Variants in SIL1 observed in about 807,000 individuals in gnomAD.
SIL1 encodes SIL1 nucleotide exchange factor, also known as nucleotide exchange factor SIL1.
Under a neutral mutation model 49.1 loss-of-function variants are expected in SIL1, and 40 were observed. The observed-to-expected ratio is 0.81, with a 90% CI of 0.63 to 1.06. SIL1 has a LOEUF of 1.06. Among genes scored for constraint, SIL1 ranks in the 50% least tolerant of loss-of-function variants. SIL1 has a pLI of 0.00. For synonymous variants in SIL1, 253 were observed against 250.8 expected (o/e 1.01, Z -0.08); for missense variants, 500 against 572.6 (o/e 0.87, Z 1.29).
Position 138,951,195 on chromosome 5 carries a change from C to T in SIL1, c.1005G>A (p.Leu335=), listed in dbSNP as rs751082361. The change falls in exon 9 of 10, where the codon CTG becomes CTA. Residue 335 remains leucine, a synonymous_variant. Transcript: ENST00000394817. ...TEVLAVRVVT[L]LYDLVTEKMF... ...CCTTCTCCGTGACCAGGTCGTAGAG[C>T]AGTGTGACCACGCGCACGGCGAGCA... 21 of 1,611,336 alleles carry T rather than the reference C, an allele frequency of 1.3e-5. No individual in the cohort carries two copies. Among genetic ancestry groups the T allele is most frequent in the South Asian group, 3.3e-5 (3 of 90,320 alleles).
At chr5:139,175,675 C>T (rs900544250) in intron 1 of SIL1, among the ~76,000 whole-genome samples, 1 of 152,210 alleles carries the variant, frequency 6.6e-6, no homozygotes, top group East Asian at 1.9e-4. Flanking sequence ...AAGAAAACTA[C>T]AGACTGGCCA....
chr5:139,197,457 G>C (rs891344053), intron 1 of SIL1, among the ~76,000 whole-genome samples: 2 of 152,044 alleles, frequency 1.3e-5, no homozygotes, highest in African/African-American at 4.8e-5. Context: ...ACGAAGCCAG[G>C]CATTTAAGAA....
At chr5:139,192,093 A>AC (rs1447457343) in intron 1 of SIL1, among the ~76,000 whole-genome samples, 1 of 151,044 alleles carries the variant, frequency 6.6e-6, no homozygotes, top group Non-Finnish European at 1.5e-5. Context: ...AAAAAAAAAA[A>AC]AAAATCCACT....
At chr5:139,035,710 G>A (rs1050918883) in intron 5 of SIL1, 1 of 226,330 alleles carries the variant, frequency 4.4e-6, no homozygotes, top group South Asian at 5.8e-5. Flanking sequence ...GTGCAGCGGC[G>A]TGATCTTGGC....
chr5:139,026,917 C>A lies in SIL1; in HGVS notation c.529G>T (p.Val177Phe). 6.2e-7 allele frequency: 1 copy of A among 1,614,224 alleles called. No homozygotes were observed. The highest frequency in any genetic ancestry group is 1.1e-5 in the South Asian group (1 of 91,086). ...ATGATCTGCATGTCAGTCTCAATGA[C>A]AACATTCAGCTCATCAAAGTCTTTC... Reference protein sequence around the residue: ...LKKDFDELNVVIETDMQIMVR... With the variant: ...LKKDFDELNVFIETDMQIMVR... Residue 177 changes from valine to phenylalanine, a missense_variant, in exon 6 of 10, where the codon GTC (valine) becomes TTC (phenylalanine). Physicochemically the swap from Val to Phe is conservative, Grantham distance 50 (BLOSUM62 -1). Coordinates refer to ENST00000394817, the MANE Select transcript of SIL1 (RefSeq NM_022464.5).
chr5:139,067,026 A>G (rs1769720517), intron 3 of SIL1, among the ~76,000 whole-genome samples: 1 of 152,210 alleles, frequency 6.6e-6, no homozygotes, highest in African/African-American at 2.4e-5. Context: ...GAACATCTTT[A>G]TATTCCCTGC....
chr5:138,992,634 T>C (rs533537071), intron 7 of SIL1, among the ~76,000 whole-genome samples: 1 of 149,996 alleles, frequency 6.7e-6, no homozygotes, highest in African/African-American at 2.4e-5. Flanking sequence ...TTTTCAAACA[T>C]CAAAAAAATA....
intron 3 of SIL1, among the ~76,000 whole-genome samples, chr5:139,054,057 G>GA (rs1456081606): frequency 6.6e-6 from 1 of 152,148 alleles, no homozygotes; most frequent in South Asian, 2.1e-4. Flanking sequence ...GAGACGAGGG[G>GA]ATCACCTGAG....
rs1751071729 is a variant in SIL1, at chr5:139,141,052, G to T, written c.-10-13199C>A. Among the ~76,000 whole-genome samples the T allele has an allele frequency of 2.6e-5, 4 of 152,068 alleles. No homozygotes were observed. The South Asian group carries it at 8.3e-4, about 32-fold the overall frequency. ...CCCGCATTTTAGAAGGCAGCAATAG[G>T]AACCAGAGCTAGGGACTGCACAAAC... On this transcript the variant is annotated intron_variant, in intron 1 of 9. Transcript: ENST00000394817.
chr5:138,964,969 G>A (rs185503192), intron 7 of SIL1, among the ~76,000 whole-genome samples: 121 of 152,344 alleles, frequency 7.9e-4, no homozygotes, highest in Admixed American at 1.6e-3. Context: ...ACAAGAAAGC[G>A]TGGGGAAGCT....
chr5:139,095,229 AG>A (rs1424343460), intron 3 of SIL1, among the ~76,000 whole-genome samples: 1 of 149,846 alleles, frequency 6.7e-6, no homozygotes. Context: ...CACCTTCTAG[AG>A]GGGGGAGTAT....
chr5:139,182,339 G>A (rs957127867), intron 1 of SIL1, among the ~76,000 whole-genome samples: 6 of 152,194 alleles, frequency 3.9e-5, no homozygotes, highest in Non-Finnish European at 5.9e-5. Context: ...TAAGGAGGGG[G>A]TTTGAAGAGG....
Position 138,947,030 on chromosome 5 carries a change from A to C in SIL1, c.*87T>G. On this transcript the variant is annotated 3_prime_UTR_variant, in exon 10 of 10. Coordinates refer to ENST00000394817, the MANE Select transcript of SIL1 (RefSeq NM_022464.5). The surrounding 1 kb of genome is among the most constrained non-coding windows in gnomAD (Gnocchi z 4.1). ...ATTTAATGGCCAAGCCAGCACTGCC[A>C]AGATGTCCTCCTGCCTGAGAAGCCC... 1.0e-6 allele frequency: 1 copy of C among 1,004,822 alleles called. No homozygotes were observed. Among genetic ancestry groups the C allele is most frequent in the Non-Finnish European group, 1.5e-6 (1 of 646,542 alleles). 62.2% of individuals were successfully genotyped at this position (1,004,822 alleles called of 1,614,324 possible).
chr5:139,179,511 T>C (rs911247530), intron 1 of SIL1, among the ~76,000 whole-genome samples: 1 of 152,108 alleles, frequency 6.6e-6, no homozygotes, highest in African/African-American at 2.4e-5. Flanking sequence ...ATTAAGGCCA[T>C]TTTCCCTCTA....
intron 1 of SIL1, among the ~76,000 whole-genome samples, chr5:139,195,583 T>C (rs1292537598): frequency 6.6e-6 from 1 of 151,974 alleles, no homozygotes; most frequent in East Asian, 2.0e-4. Flanking sequence ...GAGACGGGGT[T>C]TCACCGTGTT....
intron 3 of SIL1, among the ~76,000 whole-genome samples, chr5:139,080,545 A>G (rs1355299960): frequency 6.6e-6 from 1 of 152,226 alleles, no homozygotes. Context: ...TTGTCCCATA[A>G]AAGACAAACT....
intron 1 of SIL1, among the ~76,000 whole-genome samples, chr5:139,170,740 G>A (rs548483068): frequency 3.3e-5 from 5 of 151,340 alleles, no homozygotes; most frequent in East Asian, 4.0e-4. Context: ...AGTGAGGAGC[G>A]TCTCCGCCCG....
chr5:139,135,100 G>A (rs1560656), intron 1 of SIL1, among the ~76,000 whole-genome samples: 41,471 of 152,100 alleles, frequency 0.27, 6,402 homozygotes, highest in Middle Eastern at 0.37. Context: ...AGCTTTTCCC[G>A]CCTGAGACAA....
chr5:139,024,764 G>A (rs1314136240), intron 6 of SIL1, among the ~76,000 whole-genome samples: 1 of 152,238 alleles, frequency 6.6e-6, no homozygotes, highest in Non-Finnish European at 1.5e-5. Flanking sequence ...TTAAAAGTAA[G>A]TCAGATCACA....
Sources: gnomAD v4.1 joint callset for allele counts (sites outside exome capture counted in the v4.1 genomes callset) on GRCh38, gnomAD v4.1.1 for gene constraint, Gnocchi (gnomAD v3.1) non-coding constraint, MANE v1.5 for transcripts, NCBI Gene and HGNC (gene_info 2026-07-23, HGNC 2026-07-21) for gene names.